RIMBP2: variants seen among roughly 807,000 people sequenced by gnomAD.
RIMBP2 encodes RIMS-binding protein 2.
In RIMBP2, 48 loss-of-function variants were observed where a neutral mutation model predicts 118.6. The ratio of observed to expected loss-of-function variants is 0.40; its 90% CI spans 0.32 to 0.51. RIMBP2 has a LOEUF of 0.51. Ranked by LOEUF, RIMBP2 falls within the 20% of genes least tolerant of loss-of-function variation. The probability of loss-of-function intolerance (pLI) is 0.41; values close to 1 mark genes in which losing one functional copy is unlikely to be tolerated. For missense variants in RIMBP2, 1,551 were observed against 1,768.3 expected, an observed-to-expected ratio of 0.88 and a Z score of 2.20; for synonymous variants, 762 against 742.9, an observed-to-expected ratio of 1.03 and a Z score of -0.42.
chr12:130,420,437 T>G lies in RIMBP2; in HGVS notation c.3238+2016A>C, dbSNP rs2076345047. ...ACATAGATTTGCTCTTTCACCCAAT[T>G]TAACAAGTGTGCTACTGAAATTAAG... is the stretch of plus-strand genomic sequence containing the variant. On this transcript the variant is annotated intron_variant, in intron 17 of 22. Transcript: ENST00000690449. The surrounding 1 kb of genome is among the most constrained non-coding windows in gnomAD (Gnocchi z 4.3). 6.6e-6 allele frequency among the ~76,000 whole-genome samples: 1 copy of G among 152,208 alleles called. No individual in the cohort carries two copies. Among genetic ancestry groups the G allele is most frequent in the Non-Finnish European group, 1.5e-5 (1 of 68,044 alleles).
intron 12 of RIMBP2, 31 bp downstream of exon 12, chr12:130,438,334 A>ATCCCCCCCCC: frequency 1.1e-5 from 15 of 1,344,508 alleles, no homozygotes; most frequent in Non-Finnish European, 1.5e-5. Context: ...GGGCCTAACA[A>ATCCCCCCCCC]ACCCTCCCCA....
intron 21 of RIMBP2, among the ~76,000 whole-genome samples, chr12:130,404,571 G>T (rs182247200): frequency 3.3e-5 from 5 of 152,156 alleles, no homozygotes; most frequent in African/African-American, 1.2e-4. Flanking sequence ...ATGAGTCACC[G>T]TGCCCGGCCG....
intron 1 of RIMBP2, among the ~76,000 whole-genome samples, chr12:130,701,021 A>G (rs531147631): frequency 6.6e-6 from 1 of 152,232 alleles, no homozygotes; most frequent in Non-Finnish European, 1.5e-5. Context: ...GTTTTCTAGG[A>G]CAGACAAGAA....
intron 2 of RIMBP2, among the ~76,000 whole-genome samples, chr12:130,610,165 C>T (rs986415937): frequency 2.7e-5 from 4 of 150,140 alleles, no homozygotes; most frequent in Admixed American, 6.6e-5. Context: ...CTGCTCCTCC[C>T]GGTCCCTCCC....
intron 14 of RIMBP2, among the ~76,000 whole-genome samples, chr12:130,432,988 A>T (rs1398698375): frequency 6.6e-6 from 1 of 152,158 alleles, no homozygotes; most frequent in Non-Finnish European, 1.5e-5. Flanking sequence ...CCTGGGGCCG[A>T]GGGGTCAAGG....
intron 6 of RIMBP2, among the ~76,000 whole-genome samples, chr12:130,470,037 C>G (rs1312223996): frequency 6.6e-6 from 1 of 152,200 alleles, no homozygotes; most frequent in Non-Finnish European, 1.5e-5. Flanking sequence ...GAGCCAGGGA[C>G]AGGGGTGGTC....
At chr12:130,646,106 T>TGCCTCA (rs2062890216) in intron 1 of RIMBP2, among the ~76,000 whole-genome samples, 1 of 51,146 alleles carries the variant, frequency 2.0e-5, no homozygotes. Context: ...CACCTCCCTC[T>TGCCTCA]CCACCTCCCT....
At chr12:130,705,760 C>T (rs183551955) in intron 1 of RIMBP2, among the ~76,000 whole-genome samples, 1 of 152,362 alleles carries the variant, frequency 6.6e-6, no homozygotes, top group East Asian at 1.9e-4. Context: ...ACAGGGCAGG[C>T]CCAGTGCCCC....
At chr12:130,414,366 G>A (rs2075970956) in intron 17 of RIMBP2, 60 bp from the exon 18 acceptor site, 23 of 1,481,808 alleles carry the variant, frequency 1.6e-5, no homozygotes, top group South Asian at 4.1e-5. Flanking sequence ...GAGCGTGCAC[G>A]GGAAATGCAG....
At chr12:130,639,601 A>G (rs1268533485) in intron 1 of RIMBP2, among the ~76,000 whole-genome samples, 1 of 151,292 alleles carries the variant, frequency 6.6e-6, no homozygotes, top group Non-Finnish European at 1.5e-5. Flanking sequence ...GCAAGTGTCT[A>G]CACCATTCCG....
chr12:130,456,108 T>C (rs1455525150), intron 7 of RIMBP2, among the ~76,000 whole-genome samples: 1 of 152,220 alleles, frequency 6.6e-6, no homozygotes, highest in East Asian at 1.9e-4. Flanking sequence ...TTCACAGAGC[T>C]TTGGAGTACC....
At chr12:130,699,777 G>C (rs575790476) in intron 1 of RIMBP2, among the ~76,000 whole-genome samples, 12 of 151,580 alleles carry the variant, frequency 7.9e-5, no homozygotes, top group Non-Finnish European at 1.2e-4. Context: ...ATGGTGGCAG[G>C]TGCCTGTAAT....
chr12:130,606,050 A>G (rs1452268493), intron 2 of RIMBP2, among the ~76,000 whole-genome samples: 2 of 152,190 alleles, frequency 1.3e-5, no homozygotes, highest in African/African-American at 2.4e-5. Flanking sequence ...TCTGGGAGAT[A>G]GAGCGAGACT....
chr12:130,613,506 C>T (rs552369639), intron 2 of RIMBP2, among the ~76,000 whole-genome samples: 1 of 152,180 alleles, frequency 6.6e-6, no homozygotes, highest in Non-Finnish European at 1.5e-5. Flanking sequence ...GCACAGACTT[C>T]TTCCTTTCTT....
intron 1 of RIMBP2, among the ~76,000 whole-genome samples, chr12:130,630,641 A>C (rs1185428175): frequency 1.3e-5 from 2 of 152,214 alleles, no homozygotes; most frequent in East Asian, 3.8e-4. Context: ...AGATTCAAGA[A>C]GGTGAATGAT....
At chr12:130,694,571 G>A (rs1057097967) in intron 1 of RIMBP2, among the ~76,000 whole-genome samples, 1 of 152,060 alleles carries the variant, frequency 6.6e-6, no homozygotes, top group Non-Finnish European at 1.5e-5. Context: ...AGGCCTTCTC[G>A]GGACTGCTCC....
At chr12:130,595,386 G>A (rs138053429) in intron 2 of RIMBP2, among the ~76,000 whole-genome samples, 4,306 of 151,864 alleles carry the variant, frequency 0.028, 80 homozygotes, top group Non-Finnish European at 0.044. Flanking sequence ...GTGAAACCCT[G>A]TCTCTACTAA....
intron 4 of RIMBP2, among the ~76,000 whole-genome samples, chr12:130,487,579 C>T (rs929984401): frequency 1.3e-5 from 2 of 152,188 alleles, no homozygotes; most frequent in Non-Finnish European, 1.5e-5. Flanking sequence ...GAGATAAATT[C>T]GCTTCTTTTC....
At chr12:130,491,732 G>A (rs1031731490) in intron 4 of RIMBP2, among the ~76,000 whole-genome samples, 4 of 152,298 alleles carry the variant, frequency 2.6e-5, no homozygotes, top group East Asian at 1.9e-4. Context: ...CCGCCTCCCC[G>A]CGCAGAGACC....
Sources: gnomAD v4.1 joint callset for allele counts (sites outside exome capture counted in the v4.1 genomes callset) on GRCh38, gnomAD v4.1.1 for gene constraint, Gnocchi (gnomAD v3.1) non-coding constraint, MANE v1.5 for transcripts, NCBI Gene and HGNC (gene_info 2026-07-23, HGNC 2026-07-21) for gene names.